DPYD: variants seen among roughly 807,000 people sequenced by gnomAD.
DPYD encodes the protein dihydropyrimidine dehydrogenase [NADP(+)].
Under a neutral mutation model 116.2 loss-of-function variants are expected in DPYD, and 109 were observed. The observed-to-expected ratio is 0.94, with a 90% CI of 0.80 to 1.10. The LOEUF is 1.10. Among genes scored for constraint, DPYD ranks in the 50% least tolerant of loss-of-function variants. The probability of loss-of-function intolerance (pLI) is 0.00; values close to 1 mark genes in which losing one functional copy is unlikely to be tolerated. For synonymous variants in DPYD, 440 were observed against 432.0 expected, an observed-to-expected ratio of 1.02 and a Z score of -0.23; for missense variants, 1,302 against 1,254.5, an observed-to-expected ratio of 1.04 and a Z score of -0.57.
chr1:97,383,788 T>C (rs534719947), intron 14 of DPYD, among the ~76,000 whole-genome samples: 1 of 152,180 alleles, frequency 6.6e-6, no homozygotes, highest in Admixed American at 6.5e-5. Flanking sequence ...CGTAAGTAAT[T>C]ATTTCCTACC....
intron 6 of DPYD, 55 bp from the exon 7 acceptor site, chr1:97,691,853 G>T: frequency 1.4e-6 from 2 of 1,418,104 alleles, no homozygotes; most frequent in South Asian, 1.2e-5. Flanking sequence ...ACCAATCTTT[G>T]ACCAATCTTA....
At chr1:97,889,903 C>A (rs935771347) in intron 1 of DPYD, among the ~76,000 whole-genome samples, 3 of 151,918 alleles carry the variant, frequency 2.0e-5, no homozygotes, top group African/African-American at 7.2e-5. Context: ...CAAAATAGTT[C>A]TCCCTCTTCA....
At chr1:97,134,017 ATATATATATATATATATATATATATAT>A (rs1557883350) in intron 20 of DPYD, among the ~76,000 whole-genome samples, 3,501 of 16,126 alleles carry the variant, frequency 0.22, 554 homozygotes, top group African/African-American at 0.3. Flanking sequence ...AAAAAAAAAT[ATATATATATATATATATATATATATAT>A]ATATATATAT....
chr1:97,124,046 C>A (rs954622636), intron 20 of DPYD, among the ~76,000 whole-genome samples: 2 of 152,078 alleles, frequency 1.3e-5, no homozygotes, highest in Non-Finnish European at 2.9e-5. Flanking sequence ...GATTTTGCTT[C>A]ATTAAACAAC....
chr1:97,128,389 C>T (rs151261016), intron 20 of DPYD, among the ~76,000 whole-genome samples: 3,573 of 152,064 alleles, frequency 0.023, 61 homozygotes, highest in African/African-American at 0.022. Context: ...ACAAGAGTTC[C>T]GGGTTTTTAT....
At chr1:97,676,480 A>C (rs974328556) in intron 8 of DPYD, among the ~76,000 whole-genome samples, 3 of 152,328 alleles carry the variant, frequency 2.0e-5, no homozygotes, top group African/African-American at 7.2e-5. Flanking sequence ...AAAATGGCTT[A>C]CATTGTTACA....
At chr1:97,433,351 T>C (rs924175065) in intron 14 of DPYD, among the ~76,000 whole-genome samples, 2 of 152,164 alleles carry the variant, frequency 1.3e-5, no homozygotes, top group Non-Finnish European at 2.9e-5. Flanking sequence ...TTCTCACACA[T>C]CACACAACTC....
intron 2 of DPYD, 140 bp from the exon 3 acceptor site, chr1:97,828,336 C>A: frequency 1.4e-6 from 1 of 704,654 alleles, no homozygotes; most frequent in South Asian, 1.7e-5. Flanking sequence ...GGGTAGCATT[C>A]ATTAAAATTG....
chr1:97,111,724 T>G (rs1427541813), intron 20 of DPYD, among the ~76,000 whole-genome samples: 2 of 152,102 alleles, frequency 1.3e-5, no homozygotes, highest in African/African-American at 4.8e-5. Flanking sequence ...TTCACTAATC[T>G]TATTTACTAA....
At chr1:97,545,618 T>G in intron 12 of DPYD, 1 of 564,568 alleles carries the variant, frequency 1.8e-6, no homozygotes, top group South Asian at 2.8e-5. Flanking sequence ...ACTGCTGGAT[T>G]ATGCAAGAGA....
intron 10 of DPYD, among the ~76,000 whole-genome samples, chr1:97,588,267 T>C (rs747024399): frequency 2.1e-4 from 32 of 152,078 alleles, no homozygotes; most frequent in Admixed American, 4.6e-4. Flanking sequence ...GCAGGCCCCA[T>C]AAAAATGCAG....
intron 20 of DPYD, among the ~76,000 whole-genome samples, chr1:97,166,707 A>G (rs1656353372): frequency 6.6e-6 from 1 of 152,178 alleles, no homozygotes; most frequent in African/African-American, 2.4e-5. Context: ...TTGGCAGCTG[A>G]CCGACACAGC....
At chr1:97,426,145 A>G (rs989959674) in intron 14 of DPYD, among the ~76,000 whole-genome samples, 10 of 151,980 alleles carry the variant, frequency 6.6e-5, no homozygotes, top group Non-Finnish European at 1.3e-4. Context: ...TTAGAATTAG[A>G]GCAGAAAGGA....
chr1:97,867,655 T>C (rs1221861769), intron 2 of DPYD, among the ~76,000 whole-genome samples: 6 of 151,782 alleles, frequency 4.0e-5, no homozygotes, highest in Non-Finnish European at 7.4e-5. Context: ...GGAAAAAACA[T>C]TGGACAAAAC....
At chr1:97,489,543 A>G (rs1051740780) in intron 13 of DPYD, among the ~76,000 whole-genome samples, 1 of 152,228 alleles carries the variant, frequency 6.6e-6, no homozygotes, top group African/African-American at 2.4e-5. Context: ...TACACATGGT[A>G]CACTTACACC....
intron 14 of DPYD, among the ~76,000 whole-genome samples, chr1:97,409,117 C>G (rs1570686770): frequency 6.6e-6 from 1 of 152,078 alleles, no homozygotes; most frequent in Admixed American, 6.6e-5. Context: ...TACATCTATC[C>G]TATTAGTTCT....
intron 18 of DPYD, among the ~76,000 whole-genome samples, chr1:97,292,340 T>A (rs1268797208): frequency 6.6e-6 from 1 of 152,114 alleles, no homozygotes; most frequent in African/African-American, 2.4e-5. Flanking sequence ...CTCAGGAAAC[T>A]TACAATCATG....
intron 11 of DPYD, among the ~76,000 whole-genome samples, chr1:97,569,280 A>G (rs1652736280): frequency 6.6e-6 from 1 of 151,914 alleles, no homozygotes; most frequent in South Asian, 2.1e-4. Flanking sequence ...AAAACAAACA[A>G]TAAATCGATT....
intron 2 of DPYD, among the ~76,000 whole-genome samples, chr1:97,830,406 T>G (rs558140199): frequency 1.6e-4 from 25 of 152,038 alleles, no homozygotes; most frequent in Non-Finnish European, 3.1e-4. Flanking sequence ...GATAAACACA[T>G]TCTTGGATTA....
Sources: allele counts gnomAD v4.1 joint callset (sites outside exome capture counted in the v4.1 genomes callset), GRCh38; gene constraint gnomAD v4.1.1; transcripts MANE v1.5; gene names NCBI Gene and HGNC (gene_info 2026-07-23, HGNC 2026-07-21).